Variants in SMC5 observed in about 807,000 individuals in gnomAD.
The protein encoded by SMC5 is structural maintenance of chromosomes 5.
SMC5 carries 88 observed loss-of-function variants against 148.3 expected under a neutral mutation model. The observed-to-expected ratio is 0.59, with a 90% CI of 0.50 to 0.71. SMC5 has a LOEUF of 0.71. Ranked by LOEUF, SMC5 falls within the 30% of genes least tolerant of loss-of-function variation. The probability of loss-of-function intolerance (pLI) is 0.00; values close to 1 mark genes in which losing one functional copy is unlikely to be tolerated. For synonymous variants in SMC5, 421 were observed against 432.8 expected, an observed-to-expected ratio of 0.97 and a Z score of 0.34; for missense variants, 1,142 against 1,298.9, an observed-to-expected ratio of 0.88 and a Z score of 1.86.
chr9:70,281,659 A>G (rs551241818), intron 6 of SMC5, among the ~76,000 whole-genome samples: 1 of 152,190 alleles, frequency 6.6e-6, no homozygotes, highest in Non-Finnish European at 1.5e-5. Context: ...TACTTGCTTC[A>G]AAAAGAGTAT....
intron 11 of SMC5, among the ~76,000 whole-genome samples, chr9:70,310,611 A>G (rs1288307627): frequency 6.6e-6 from 1 of 152,216 alleles, no homozygotes; most frequent in Non-Finnish European, 1.5e-5. Context: ...CAGTAGATAC[A>G]TTCATCCCTA....
chr9:70,300,031 G>A lies in SMC5; in HGVS notation c.1310-15G>A, dbSNP rs1397672074. On this transcript the variant is annotated splice_polypyrimidine_tract_variant and intron_variant, in intron 9 of 24. Coordinates refer to ENST00000361138, the MANE Select transcript of SMC5 (RefSeq NM_015110.4). ...TTTCAGAGAAACAAGACTTTGTTTT[G>A]TTTTACAATTTTAGGTGTGGACGAT... 4 of 1,543,402 alleles carry A rather than the reference G, an allele frequency of 2.6e-6. No homozygotes were observed. Among genetic ancestry groups the A allele is most frequent in the Non-Finnish European group, 3.5e-6 (4 of 1,153,722 alleles).
intron 11 of SMC5, among the ~76,000 whole-genome samples, chr9:70,307,237 A>G (rs941296614): frequency 6.6e-6 from 1 of 152,156 alleles, no homozygotes; most frequent in Non-Finnish European, 1.5e-5. Context: ...TGCTACACAT[A>G]CAAAAATTAA....
intron 8 of SMC5, among the ~76,000 whole-genome samples, chr9:70,293,435 T>C (rs558960316): frequency 5.3e-5 from 8 of 152,052 alleles, no homozygotes; most frequent in African/African-American, 1.7e-4. Flanking sequence ...GATTTTTCTC[T>C]CTGTTTTCCG....
chr9:70,323,458 C>T, intron 15 of SMC5, 25 bp from the exon 16 acceptor site: 1 of 1,563,998 alleles, frequency 6.4e-7, no homozygotes, highest in Middle Eastern at 2.4e-4. Flanking sequence ...ACACTGATTT[C>T]TTCATTATTA....
At chr9:70,310,481 C>A (rs2035628085) in intron 11 of SMC5, among the ~76,000 whole-genome samples, 1 of 152,124 alleles carries the variant, frequency 6.6e-6, no homozygotes, top group South Asian at 2.1e-4. Context: ...AATAGATGTG[C>A]TGTCATCCAG....
At chr9:70,333,986 GT>G (rs1488066439) in intron 17 of SMC5, among the ~76,000 whole-genome samples, 1 of 152,112 alleles carries the variant, frequency 6.6e-6, no homozygotes, top group Non-Finnish European at 1.5e-5. Flanking sequence ...TGAAAAATAA[GT>G]TGCAGGACTC....
chr9:70,335,998 G>A (rs2036346261), intron 17 of SMC5, among the ~76,000 whole-genome samples: 1 of 152,148 alleles, frequency 6.6e-6, no homozygotes, highest in Non-Finnish European at 1.5e-5. Context: ...TGTATTTGTT[G>A]TAGATTTTTA....
At chr9:70,287,751 G>A (rs1478220164) in intron 8 of SMC5, among the ~76,000 whole-genome samples, 3 of 152,166 alleles carry the variant, frequency 2.0e-5, no homozygotes, top group South Asian at 2.1e-4. Context: ...AAGGGGATTG[G>A]GATGAGAAGG....
intron 3 of SMC5, among the ~76,000 whole-genome samples, chr9:70,276,896 G>A (rs2034607854): frequency 6.6e-6 from 1 of 152,102 alleles, no homozygotes; most frequent in Admixed American, 6.5e-5. Context: ...TCATTCATAT[G>A]TTTTCTGAGC....
chr9:70,334,886 AG>A (rs1348638580), intron 17 of SMC5, among the ~76,000 whole-genome samples: 1 of 152,158 alleles, frequency 6.6e-6, no homozygotes, highest in Non-Finnish European at 1.5e-5. Context: ...GCAAAGAAAA[AG>A]TATATATATG....
intron 11 of SMC5, among the ~76,000 whole-genome samples, chr9:70,312,557 T>G (rs1194353798): frequency 6.6e-6 from 1 of 152,236 alleles, no homozygotes; most frequent in Non-Finnish European, 1.5e-5. Context: ...GGTATGAGGT[T>G]TGCGTGGATT....
rs551067663 is a variant in SMC5 at position 70,325,543 on chromosome 9, G to C, written c.2397+1400G>C. Among the ~76,000 whole-genome samples, 5 of 152,246 alleles carry C rather than the reference G, an allele frequency of 3.3e-5. No homozygotes were observed. The South Asian group carries it at 1.0e-3, about 32-fold the overall frequency. ...ACTTCAGAAAGGTTGGATAGTGCTG[G>C]GGTGATCTAGCCCTGTGAACTCTCA... On this transcript the variant is annotated intron_variant, in intron 17 of 24. Transcript: ENST00000361138.
At chr9:70,325,320 A>G (rs910400156) in intron 17 of SMC5, among the ~76,000 whole-genome samples, 8 of 152,152 alleles carry the variant, frequency 5.3e-5, no homozygotes, top group African/African-American at 9.7e-5. Context: ...TTATTATACA[A>G]CACCTGTGAA....
At chr9:70,264,266 G>T in intron 1 of SMC5, 38 bp from the exon 2 acceptor site, 2 of 1,572,678 alleles carry the variant, frequency 1.3e-6, no homozygotes, top group Non-Finnish European at 1.7e-6. Flanking sequence ...AAGTGGTTTT[G>T]TATCTCTCCT....
intron 2 of SMC5, among the ~76,000 whole-genome samples, chr9:70,267,155 A>C (rs1388226854): frequency 1.3e-5 from 2 of 152,184 alleles, no homozygotes; most frequent in Non-Finnish European, 2.9e-5. Flanking sequence ...GCTTAGCACA[A>C]CAGTATATAG....
chr9:70,321,418 G>T (rs1190616124), intron 15 of SMC5, among the ~76,000 whole-genome samples: 1 of 107,948 alleles, frequency 9.3e-6, no homozygotes, highest in Non-Finnish European at 2.3e-5. Context: ...TTTGAGACGG[G>T]GTCTTGCTCT....
At chr9:70,282,633 A>G in intron 7 of SMC5, 50 bp downstream of exon 7, 1 of 1,499,306 alleles carries the variant, frequency 6.7e-7, no homozygotes. Flanking sequence ...TTTAGCAAAT[A>G]TAAAAAATAT....
chr9:70,333,495 C>T (rs1564066070), intron 17 of SMC5, among the ~76,000 whole-genome samples: 1 of 152,048 alleles, frequency 6.6e-6, no homozygotes, highest in Non-Finnish European at 1.5e-5. Flanking sequence ...CTTTGGGAGG[C>T]CGAGGTGGCC....
Sources: allele counts gnomAD v4.1 joint callset (sites outside exome capture counted in the v4.1 genomes callset), GRCh38; gene constraint gnomAD v4.1.1; transcripts MANE v1.5; gene names NCBI Gene and HGNC (gene_info 2026-07-23, HGNC 2026-07-21).